Variants in RELN observed in about 807,000 individuals in gnomAD.
RELN encodes reelin.
Under a neutral mutation model 427.6 loss-of-function variants are expected in RELN, and 108 were observed. The ratio of observed to expected loss-of-function variants is 0.25; its 90% CI spans 0.22 to 0.30. The LOEUF is 0.30. Among genes scored for constraint, RELN ranks in the 10% least tolerant of loss-of-function variants. The probability of loss-of-function intolerance (pLI) is 1.00; values close to 1 mark genes in which losing one functional copy is unlikely to be tolerated. For synonymous variants in RELN, 1,524 were observed against 1,513.4 expected (o/e 1.01, Z -0.16); for missense variants, 3,715 against 4,302.8 (o/e 0.86, Z 3.82).
chr7:103,624,675 G>T (rs147990349), intron 20 of RELN, among the ~76,000 whole-genome samples: 5 of 152,096 alleles, frequency 3.3e-5, no homozygotes, highest in Admixed American at 6.5e-5. Context: ...TGATCCACCC[G>T]CCTCGGCCTC....
At chr7:103,919,247 G>T (rs1360587067) in intron 1 of RELN, among the ~76,000 whole-genome samples, 2 of 150,416 alleles carry the variant, frequency 1.3e-5, no homozygotes, top group Non-Finnish European at 2.9e-5. Context: ...GAAGATAATG[G>T]GTCCAATCTC....
chr7:103,734,004 A>C (rs554673099), intron 6 of RELN, among the ~76,000 whole-genome samples: 2 of 152,278 alleles, frequency 1.3e-5, no homozygotes, highest in East Asian at 1.9e-4. Flanking sequence ...TTTATGGAAA[A>C]GTTCTATGAG....
At position 103,708,464 on chromosome 7, in the gene RELN, C is replaced by CTTTTT. The variant is rs745955015; in HGVS notation, c.806-7463_806-7459dup. Among the ~76,000 whole-genome samples the CTTTTT allele has an allele frequency of 5.5e-5, 6 of 110,040 alleles. 1 individual carries two copies. The highest frequency in any genetic ancestry group is 1.9e-4 in the Admixed American group (2 of 10,700). 72.2% of individuals were successfully genotyped at this position (110,040 alleles called of 152,430 possible). A position where few individuals can be genotyped will look rare whatever the true frequency, so the allele number is the denominator to read the frequency against. On this transcript the variant is annotated intron_variant, in intron 8 of 64. Transcript: ENST00000428762. ...CACCCAAACACCAGTGGGTATGACT[C>CTTTTT]TTTTTTTTTTTTTTTTTGAGACGGA... is the stretch of plus-strand genomic sequence containing the variant.
In RELN at chr7:103,953,398, G is replaced by A. The variant is rs111931432; in HGVS notation, c.226+35733C>T. On this transcript the variant is annotated intron_variant, in intron 1 of 64. Transcript: ENST00000428762. The surrounding 1 kb of genome is among the most constrained non-coding windows in gnomAD (Gnocchi z 4.3). ...GAAGACTCAAGACAACTCAGATAAC[G>A]TGATTCAATCACTTGTAACATTCAG... Among the ~76,000 whole-genome samples, 4 of 152,268 alleles carry A rather than the reference G, an allele frequency of 2.6e-5. No individual in the cohort carries two copies. Among genetic ancestry groups the A allele is most frequent in the Middle Eastern group, 3.4e-3 (1 of 294 alleles).
At chr7:103,860,684 T>A (rs1324323552) in intron 2 of RELN, among the ~76,000 whole-genome samples, 1 of 152,142 alleles carries the variant, frequency 6.6e-6, no homozygotes, top group East Asian at 1.9e-4. Context: ...GTGCTGGGAT[T>A]ACAGGCATGA....
intron 24 of RELN, among the ~76,000 whole-genome samples, chr7:103,596,981 A>T (rs1222048510): frequency 1.3e-5 from 2 of 152,182 alleles, no homozygotes; most frequent in African/African-American, 4.8e-5. Context: ...CTTACTTTGC[A>T]TATTTCCTCT....
intron 21 of RELN, among the ~76,000 whole-genome samples, chr7:103,611,210 T>A (rs1158066502): frequency 6.6e-6 from 1 of 152,212 alleles, no homozygotes; most frequent in South Asian, 2.1e-4. Flanking sequence ...CAGATCTATA[T>A]ATTTCTTCTT....
chr7:103,748,062 T>A (rs934229000), intron 6 of RELN, among the ~76,000 whole-genome samples: 1 of 150,088 alleles, frequency 6.7e-6, no homozygotes, highest in Non-Finnish European at 1.5e-5. Context: ...TATGATAACA[T>A]CTATATTAAT....
In RELN at chr7:103,597,854, C is replaced by G. The variant is rs1554387767; in HGVS notation, c.3334-1193G>C. 2.0e-5 allele frequency among the ~76,000 whole-genome samples: 3 copies of G among 152,094 alleles called. No homozygotes were observed. In the East Asian group the frequency reaches 5.8e-4, roughly 29 times the overall value. ...AAATTAACAAGGTTTGTCATTGTTC[C>G]TGTTGTTCAAAATGATTTCAGCTAA... On this transcript the variant is annotated intron_variant, in intron 24 of 64. Coordinates refer to ENST00000428762, the MANE Select transcript of RELN (RefSeq NM_005045.4).
chr7:103,498,181 A>G lies in RELN; in HGVS notation c.8739T>C (p.Ser2913=), dbSNP rs1313503382. The change falls in exon 54 of 65, where the codon AGT becomes AGC. Residue 2913 remains serine (S), a synonymous_variant. Coordinates refer to ENST00000428762, the MANE Select transcript of RELN (RefSeq NM_005045.4). ...PDLWMSLEGG[S]TCTECGILAE... ...CAAGAATTCCACACTCAGTGCAAGT[A>G]CTTCCACCTTCTAAGGACATCCATA... The G allele has an allele frequency of 1.2e-6, 2 of 1,614,068 alleles. No individual in the cohort carries two copies. Among genetic ancestry groups the G allele is most frequent in the East Asian group, 4.5e-5 (2 of 44,876 alleles).
intron 1 of RELN, among the ~76,000 whole-genome samples, chr7:103,930,851 T>C (rs1017821710): frequency 3.3e-5 from 5 of 149,342 alleles, no homozygotes; most frequent in Non-Finnish European, 5.9e-5. Flanking sequence ...CAAGTTATGC[T>C]TCTTGGGTGT....
At chr7:103,496,146 T>C (rs573654723) in intron 56 of RELN, among the ~76,000 whole-genome samples, 1 of 152,354 alleles carries the variant, frequency 6.6e-6, no homozygotes, top group Admixed American at 6.5e-5. Context: ...ATTACCGTAC[T>C]TTTAAAATGT....
intron 1 of RELN, among the ~76,000 whole-genome samples, chr7:103,919,872 T>C (rs554032220): frequency 2.0e-5 from 3 of 152,338 alleles, no homozygotes; most frequent in East Asian, 1.9e-4. Flanking sequence ...GACATGATTT[T>C]AAAAACTGAG....
intron 40 of RELN, among the ~76,000 whole-genome samples, chr7:103,551,661 C>G (rs1240291450): frequency 3.9e-5 from 6 of 152,246 alleles, no homozygotes; most frequent in African/African-American, 1.2e-4. Flanking sequence ...TAGCTTCCCC[C>G]CCATCTAGGT....
At chr7:103,959,604 T>C (rs1460964117) in intron 1 of RELN, among the ~76,000 whole-genome samples, 1 of 149,210 alleles carries the variant, frequency 6.7e-6, no homozygotes, top group Non-Finnish European at 1.5e-5. Context: ...CTGACTCCTC[T>C]CTCTCTCTCT....
At chr7:103,607,078 C>T (rs1265543652) in intron 22 of RELN, among the ~76,000 whole-genome samples, 4 of 120,198 alleles carry the variant, frequency 3.3e-5, no homozygotes, top group Non-Finnish European at 6.3e-5. Context: ...TCCAGTCTAT[C>T]GTTGTTGGAC....
intron 46 of RELN, among the ~76,000 whole-genome samples, chr7:103,525,227 CT>C (rs1829796179): frequency 3.3e-5 from 5 of 152,126 alleles, no homozygotes; most frequent in African/African-American, 4.8e-5. Flanking sequence ...TTCCTGATCC[CT>C]TTTAAAATGA....
chr7:103,747,137 A>G lies in RELN; in HGVS notation c.656+2289T>C, dbSNP rs1431860939. 2.0e-5 allele frequency among the ~76,000 whole-genome samples: 3 copies of G among 152,084 alleles called. No individual in the cohort carries two copies. The East Asian group carries it at 5.8e-4, about 29-fold the overall frequency. ...AGGGACATGGATGAAACTGGAAACC[A>G]TCATTCTCAGCAAACTATCGCAAGG... On this transcript the variant is annotated intron_variant, in intron 6 of 64. Coordinates refer to ENST00000428762, the MANE Select transcript of RELN (RefSeq NM_005045.4).
chr7:103,583,679 C>G (rs1042752684), intron 28 of RELN, among the ~76,000 whole-genome samples: 1 of 152,134 alleles, frequency 6.6e-6, no homozygotes, highest in Non-Finnish European at 1.5e-5. Context: ...TAAAGACAAA[C>G]AGAGAACTCA....
Sources: gnomAD v4.1 joint callset for allele counts (sites outside exome capture counted in the v4.1 genomes callset) on GRCh38, gnomAD v4.1.1 for gene constraint, Gnocchi (gnomAD v3.1) non-coding constraint, MANE v1.5 for transcripts, NCBI Gene and HGNC (gene_info 2026-07-23, HGNC 2026-07-21) for gene names.